Variants in TENM3 observed in about 807,000 individuals in gnomAD.
TENM3 encodes the protein teneurin-3.
In TENM3, 63 loss-of-function variants were observed where a neutral mutation model predicts 255.1. The observed-to-expected ratio is 0.25, with a 90% CI of 0.20 to 0.30. The LOEUF is 0.30. TENM3 is among the 10% of genes least tolerant of loss of function. TENM3 has a pLI of 1.00. For missense variants in TENM3, 2,929 were observed against 3,461.1 expected, an observed-to-expected ratio of 0.85 and a Z score of 3.86; for synonymous variants, 1,306 against 1,322.3, an observed-to-expected ratio of 0.99 and a Z score of 0.27.
At chr4:181,739,896 C>T in the TENM3 span, among the ~76,000 whole-genome samples, 1 of 152,164 alleles carries the variant, frequency 6.6e-6, no homozygotes, top group Non-Finnish European at 1.5e-5. Context: ...AAGCCAATTA[C>T]AGTACGCAAA....
chr4:181,684,819 A>G, the TENM3 span, among the ~76,000 whole-genome samples: 1 of 151,372 alleles, frequency 6.6e-6, no homozygotes, highest in Non-Finnish European at 1.5e-5. Flanking sequence ...CAGTGGTGCC[A>G]TCATAGCTCA....
chr4:181,525,134 C>T, the TENM3 span, among the ~76,000 whole-genome samples: 2 of 152,058 alleles, frequency 1.3e-5, no homozygotes, highest in African/African-American at 4.8e-5. Context: ...GGGCCAGCCA[C>T]GGTAGGTGGC....
At chr4:181,857,693 G>A in the TENM3 span, among the ~76,000 whole-genome samples, 2 of 152,046 alleles carry the variant, frequency 1.3e-5, no homozygotes, top group East Asian at 3.9e-4. Flanking sequence ...GGGAGGCAGA[G>A]GTTGCAGTGA....
At chr4:182,797,396 G>A (rs960300789) in intron 27 of TENM3, among the ~76,000 whole-genome samples, 1 of 151,654 alleles carries the variant, frequency 6.6e-6, no homozygotes, top group Non-Finnish European at 1.5e-5. Context: ...CCGAGATCAC[G>A]CCATTGTACT....
intron 5 of TENM3, among the ~76,000 whole-genome samples, chr4:182,646,692 G>A (rs1752777169): frequency 6.6e-6 from 1 of 151,932 alleles, no homozygotes; most frequent in South Asian, 2.1e-4. Flanking sequence ...CAGTGAGCCG[G>A]GATTGCGCCA....
chr4:182,628,977 T>C (rs1751096628), intron 5 of TENM3, 88 bp downstream of exon 5: 1 of 794,968 alleles, frequency 1.3e-6, no homozygotes, highest in Admixed American at 2.8e-5. Context: ...GGTCTAGAAA[T>C]ATATTGTGAG....
chr4:181,805,807 T>G, the TENM3 span, among the ~76,000 whole-genome samples: 1 of 152,160 alleles, frequency 6.6e-6, no homozygotes, highest in Non-Finnish European at 1.5e-5. Context: ...TTTTCTCACC[T>G]TATTTCCTTT....
the TENM3 span, among the ~76,000 whole-genome samples, chr4:182,113,192 G>A: frequency 4.6e-5 from 7 of 152,280 alleles, no homozygotes; most frequent in East Asian, 1.9e-4. Flanking sequence ...TTGTGCTTCC[G>A]GAGACAACAC....
intron 1 of TENM3, among the ~76,000 whole-genome samples, chr4:182,309,286 G>A (rs1298165695): frequency 6.6e-6 from 1 of 152,218 alleles, no homozygotes; most frequent in Admixed American, 6.5e-5. Context: ...AAGGTGCCGT[G>A]TGGCTGGTTT....
rs1661080338 is a variant in TENM3, at chr4:182,621,733, A to AT, written c.750-6917dup. ...ATATAATATATATTATATATAAAAT[A>AT]TATAATATATAATATATTATAATAT... is the stretch of plus-strand genomic sequence containing the variant. On this transcript the variant is annotated intron_variant, in intron 4 of 27. Coordinates refer to ENST00000511685, the MANE Select transcript of TENM3 (RefSeq NM_001080477.4). 8.3e-5 allele frequency among the ~76,000 whole-genome samples: 5 copies of AT among 60,290 alleles called. 1 individual carries two copies. Among genetic ancestry groups the AT allele is most frequent in the African/African-American group, 3.5e-4 (5 of 14,152 alleles). 39.6% of individuals were successfully genotyped at this position (60,290 alleles called of 152,430 possible).
chr4:181,520,778 C>G, the TENM3 span, among the ~76,000 whole-genome samples: 1 of 152,128 alleles, frequency 6.6e-6, no homozygotes, highest in Non-Finnish European at 1.5e-5. Context: ...CAAATGCAGG[C>G]TTTGGTGTAG....
chr4:181,914,446 T>C, the TENM3 span, among the ~76,000 whole-genome samples: 2,373 of 152,282 alleles, frequency 0.016, 60 homozygotes, highest in African/African-American at 0.053. Context: ...TGGGTTATTA[T>C]ATCATGTTAA....
At chr4:181,942,584 C>T in the TENM3 span, among the ~76,000 whole-genome samples, 1 of 152,088 alleles carries the variant, frequency 6.6e-6, no homozygotes, top group Non-Finnish European at 1.5e-5. Flanking sequence ...GTTTTCTTTT[C>T]TTACTGCTCT....
the TENM3 span, among the ~76,000 whole-genome samples, chr4:181,859,754 T>C: frequency 9.8e-3 from 1,494 of 152,320 alleles, 20 homozygotes; most frequent in Non-Finnish European, 0.013. Context: ...AACAGAGTTT[T>C]ATCTTAATTG....
chr4:181,664,334 G>T, the TENM3 span, among the ~76,000 whole-genome samples: 3 of 152,158 alleles, frequency 2.0e-5, 1 homozygote, highest in East Asian at 5.8e-4. Context: ...GCTGGGTGTC[G>T]TGGTGGTCAC....
the TENM3 span, among the ~76,000 whole-genome samples, chr4:181,936,105 A>T: frequency 6.6e-6 from 1 of 152,148 alleles, no homozygotes; most frequent in Non-Finnish European, 1.5e-5. Flanking sequence ...ATAATTAAGA[A>T]TCAGGGCTGG....
At chr4:182,747,397 C>T (rs1309671233) in intron 19 of TENM3, among the ~76,000 whole-genome samples, 2 of 152,116 alleles carry the variant, frequency 1.3e-5, no homozygotes, top group African/African-American at 4.8e-5. Context: ...AAATTCTTAG[C>T]TATACTTTAG....
the TENM3 span, among the ~76,000 whole-genome samples, chr4:181,739,403 T>C: frequency 2.0e-5 from 3 of 152,334 alleles, no homozygotes; most frequent in Admixed American, 6.5e-5. Flanking sequence ...TTGCCTCTCG[T>C]ACCAACTAAA....
chr4:181,672,511 G>A, the TENM3 span, among the ~76,000 whole-genome samples: 7 of 151,392 alleles, frequency 4.6e-5, no homozygotes, highest in South Asian at 4.1e-4. Context: ...TCCTTGGAAC[G>A]GCACTTAGTG....
Sources: allele counts gnomAD v4.1 joint callset (sites outside exome capture counted in the v4.1 genomes callset), GRCh38; gene constraint gnomAD v4.1.1; transcripts MANE v1.5; gene names NCBI Gene and HGNC (gene_info 2026-07-23, HGNC 2026-07-21).